The following CELF2 variants were observed in gnomAD, a reference collection of about 807,000 sequenced individuals.
CELF2 encodes the protein CUGBP Elav-like family member 2.
Under a neutral mutation model 62.6 loss-of-function variants are expected in CELF2, and 8 were observed. The ratio of observed to expected loss-of-function variants is 0.13; its 90% confidence interval spans 0.07 to 0.23. The LOEUF is 0.23. Among genes scored for constraint, CELF2 ranks in the 10% least tolerant of loss-of-function variants. The pLI is 1.00. For missense variants in CELF2, 333 were observed against 671.0 expected (o/e 0.50, Z 5.56); for synonymous variants, 258 against 250.0 (o/e 1.03, Z -0.30).
intron 1 of CELF2, among the ~76,000 whole-genome samples, chr10:10,843,246 T>C (rs2058801048): frequency 6.6e-6 from 1 of 152,056 alleles, no homozygotes; most frequent in Non-Finnish European, 1.5e-5. Flanking sequence ...TCTTTTCAAA[T>C]AACTGGCTTT....
At position 11,010,135 on chromosome 10, in the gene CELF2, C is replaced by G. The variant is rs899143452; in HGVS notation, c.53+4695C>G. ...CATCCTGGGCTGAGAGTCCAGCTCT[C>G]CTCTGGGCTCGATGAGAAGGCTGAC... On this transcript the variant is annotated intron_variant, in intron 1 of 12. Transcript: ENST00000416382. The surrounding 1 kb of genome is among the most constrained non-coding windows in gnomAD (Gnocchi z 4.1). The G allele has an allele frequency of 3.3e-5, 5 of 152,272 alleles. No individual in the cohort carries two copies. Among genetic ancestry groups the G allele is most frequent in the African/African-American group, 1.2e-4 (5 of 41,464 alleles). 9.4% of individuals were successfully genotyped at this position (152,272 alleles called of 1,614,324 possible).
chr10:10,689,015 A>T, the CELF2 span, among the ~76,000 whole-genome samples: 1 of 152,120 alleles, frequency 6.6e-6, no homozygotes, highest in East Asian at 1.9e-4. Context: ...CTCCTAAAAA[A>T]AAAGTAGTTA....
At chr10:10,865,416 G>A (rs1257375702) in intron 1 of CELF2, among the ~76,000 whole-genome samples, 1 of 152,072 alleles carries the variant, frequency 6.6e-6, no homozygotes, top group Non-Finnish European at 1.5e-5. Flanking sequence ...ATATGAATTT[G>A]CTCCTGTTTA....
chr10:10,989,607 T>A (rs2053204172), intron 2 of CELF2, among the ~76,000 whole-genome samples: 1 of 151,922 alleles, frequency 6.6e-6, no homozygotes, highest in African/African-American at 2.4e-5. Context: ...AAGGTAAAAA[T>A]CTACTCTCAG....
chr10:10,507,293 C>T, the CELF2 span, among the ~76,000 whole-genome samples: 1 of 3,766 alleles, frequency 2.7e-4, no homozygotes, highest in Non-Finnish European at 8.2e-4. Context: ...TACTAACATC[C>T]GGAAATACTC....
chr10:10,891,673 C>T (rs537509911), intron 1 of CELF2, among the ~76,000 whole-genome samples: 2 of 152,300 alleles, frequency 1.3e-5, no homozygotes, highest in East Asian at 3.9e-4. Flanking sequence ...CATTCCATGA[C>T]TCGATGCGGC....
intron 2 of CELF2, among the ~76,000 whole-genome samples, chr10:10,973,028 G>C (rs1445861726): frequency 6.6e-6 from 1 of 152,164 alleles, no homozygotes. Flanking sequence ...GGTGGCTCAC[G>C]CCTGTAATCT....
chr10:11,017,097 A>C (rs1450492773), upstream of CELF2, among the ~76,000 whole-genome samples: 1 of 152,230 alleles, frequency 6.6e-6, no homozygotes, highest in Non-Finnish European at 1.5e-5. This position sits in a 1 kb window ranked among gnomAD's most constrained non-coding sequence, Gnocchi z 5.5. Context: ...TTAAAAATTA[A>C]ACTCGCCAGC....
chr10:11,303,103 G>A (rs1275108570), intron 9 of CELF2, among the ~76,000 whole-genome samples: 2 of 152,156 alleles, frequency 1.3e-5, no homozygotes, highest in African/African-American at 2.4e-5. Context: ...TTCCCTAGCC[G>A]GCTCTCCTCT....
At chr10:10,490,575 G>C in the CELF2 span, among the ~76,000 whole-genome samples, 1 of 151,932 alleles carries the variant, frequency 6.6e-6, no homozygotes, top group Non-Finnish European at 1.5e-5. Context: ...GGTTGGGGGG[G>C]GGTGGAGCAT....
At chr10:10,493,858 G>A in the CELF2 span, among the ~76,000 whole-genome samples, 22 of 152,222 alleles carry the variant, frequency 1.4e-4, no homozygotes, top group African/African-American at 4.6e-4. Context: ...TTTAACAAGC[G>A]GTAGGCTGCT....
intron 1 of CELF2, among the ~76,000 whole-genome samples, chr10:10,834,512 C>CCCAGA (rs753743686): frequency 2.4e-4 from 37 of 152,092 alleles, no homozygotes; most frequent in Non-Finnish European, 4.3e-4. Flanking sequence ...CAGGCGACAG[C>CCCAGA]CCAGACCAGA....
chr10:11,080,619 C>T (rs564051538), intron 1 of CELF2, among the ~76,000 whole-genome samples: 1 of 152,360 alleles, frequency 6.6e-6, no homozygotes, highest in African/African-American at 2.4e-5. Flanking sequence ...CTATCAGACA[C>T]TCATTCTGTG....
chr10:10,911,944 C>T (rs2134390973), intron 1 of CELF2, among the ~76,000 whole-genome samples: 1 of 152,324 alleles, frequency 6.6e-6, no homozygotes, highest in South Asian at 2.1e-4. Flanking sequence ...CTACAGTTTT[C>T]TAAGTGATGT....
rs533824757 is a variant in CELF2, at chr10:10,940,332, A to T, written c.89+20333A>T. 3.3e-5 allele frequency among the ~76,000 whole-genome samples: 5 copies of T among 152,284 alleles called. No individual in the cohort carries two copies. The South Asian group carries it at 6.2e-4, about 19-fold the overall frequency. On this transcript the variant is annotated intron_variant, in intron 2 of 13. Coordinates refer to the CELF2 transcript ENST00000636488. ...CAGTTCCCAGTGTTCTGGGCAGTTC[A>T]TAGGTCTCAATGAATCATTGAAGAA...
chr10:11,222,543 G>A (rs191959435), intron 3 of CELF2, among the ~76,000 whole-genome samples: 21 of 152,288 alleles, frequency 1.4e-4, no homozygotes, highest in Middle Eastern at 3.4e-3. Context: ...CACACAAAGC[G>A]CTGATGCATT....
At chr10:10,911,890 A>T (rs976667941) in intron 1 of CELF2, among the ~76,000 whole-genome samples, 2 of 152,232 alleles carry the variant, frequency 1.3e-5, no homozygotes, top group Non-Finnish European at 2.9e-5. Context: ...AATAGATCTG[A>T]GAGGCTGGCC....
chr10:10,500,709 T>C, the CELF2 span, among the ~76,000 whole-genome samples: 1 of 152,156 alleles, frequency 6.6e-6, no homozygotes, highest in African/African-American at 2.4e-5. Flanking sequence ...ACAACCGGGA[T>C]GCTGACATTG....
the CELF2 span, among the ~76,000 whole-genome samples, chr10:10,678,308 A>C: frequency 6.6e-6 from 1 of 152,000 alleles, no homozygotes; most frequent in Non-Finnish European, 1.5e-5. Context: ...CCTTACTGTG[A>C]CCGTATTACA....
Sources: allele counts gnomAD v4.1 joint callset (sites outside exome capture counted in the v4.1 genomes callset), GRCh38; gene constraint gnomAD v4.1.1; non-coding constraint Gnocchi (gnomAD v3.1); transcripts MANE v1.5; gene names NCBI Gene and HGNC (gene_info 2026-07-23, HGNC 2026-07-21).